Variants in THSD7A observed in about 807,000 individuals in gnomAD.
The protein encoded by THSD7A is thrombospondin type-1 domain-containing protein 7A.
A neutral mutation model predicts 231.3 loss-of-function variants in THSD7A; 96 were observed. That is an observed-to-expected ratio of 0.41 (90% CI 0.35 to 0.49). THSD7A has a LOEUF of 0.49. Ranked by LOEUF, THSD7A falls within the 20% of genes least tolerant of loss-of-function variation. THSD7A has a pLI of 0.05. For synonymous variants in THSD7A, 940 were observed against 743.3 expected (o/e 1.26, Z -4.30); for missense variants, 2,290 against 2,070.2 (o/e 1.11, Z -2.06).
At chr7:11,714,040 T>A (rs896024029) in intron 1 of THSD7A, among the ~76,000 whole-genome samples, 1 of 151,254 alleles carries the variant, frequency 6.6e-6, no homozygotes, top group African/African-American at 2.4e-5. Context: ...AAGTTAAATA[T>A]GTGTCTGTAC....
intron 6 of THSD7A, among the ~76,000 whole-genome samples, chr7:11,504,565 G>A (rs1274607032): frequency 6.6e-6 from 1 of 152,088 alleles, no homozygotes; most frequent in Non-Finnish European, 1.5e-5. Flanking sequence ...ATATAATCTG[G>A]CCTACAAAGT....
At chr7:11,508,928 CA>C (rs891226656) in intron 6 of THSD7A, among the ~76,000 whole-genome samples, 1 of 152,024 alleles carries the variant, frequency 6.6e-6, no homozygotes, top group African/African-American at 2.4e-5. Flanking sequence ...TGGTAGTTGC[CA>C]GGGGCTGTAG....
In THSD7A at chr7:11,514,338, C is replaced by G. The variant is rs144577728; in HGVS notation, c.1822+27081G>C. ...TTAAATCCTGTTATACCCTCTACAT[C>G]TAAAACAGTGCCTGGCACAGAGTAG... On this transcript the variant is annotated intron_variant, in intron 6 of 27. Transcript: ENST00000423059. Among the ~76,000 whole-genome samples the G allele has an allele frequency of 1.0e-3, 153 of 152,312 alleles. 1 individual carries two copies. Among genetic ancestry groups the G allele is most frequent in the African/African-American group, 3.5e-3 (147 of 41,572 alleles).
intron 1 of THSD7A, among the ~76,000 whole-genome samples, chr7:11,675,556 T>C (rs1321666309): frequency 6.6e-6 from 1 of 152,132 alleles, no homozygotes; most frequent in Non-Finnish European, 1.5e-5. Flanking sequence ...GAAGCTGACC[T>C]GGGATGCTCC....
intron 2 of THSD7A, among the ~76,000 whole-genome samples, chr7:11,612,754 T>C (rs1000950158): frequency 6.6e-6 from 1 of 152,200 alleles, no homozygotes; most frequent in Non-Finnish European, 1.5e-5. Context: ...AACCAAAACC[T>C]AATGCTATCA....
intron 13 of THSD7A, among the ~76,000 whole-genome samples, chr7:11,433,920 G>A (rs1784554059): frequency 6.6e-6 from 1 of 151,974 alleles, no homozygotes; most frequent in Non-Finnish European, 1.5e-5. Flanking sequence ...CTATTAAACT[G>A]TTAAAAGATA....
In THSD7A at chr7:11,396,715, G is replaced by T. The variant is rs558301562; in HGVS notation, c.4411+5080C>A. Among the ~76,000 whole-genome samples, 4 of 152,234 alleles carry T rather than the reference G, an allele frequency of 2.6e-5. No individual in the cohort carries two copies. In the East Asian group the frequency reaches 5.8e-4, roughly 22 times the overall value. On this transcript the variant is annotated intron_variant, in intron 23 of 27. Coordinates refer to ENST00000423059, the MANE Select transcript of THSD7A (RefSeq NM_015204.3). ...CTACCAGAGGTACAAAGAGGAGCTG[G>T]TACCATTCTTTCTGAAACTACTCCA...
At chr7:11,588,169 T>C (rs370336870) in intron 4 of THSD7A, among the ~76,000 whole-genome samples, 4 of 152,132 alleles carry the variant, frequency 2.6e-5, no homozygotes, top group African/African-American at 9.6e-5. Context: ...GAACATCGAG[T>C]GTGAATAATC....
At chr7:11,648,020 T>C (rs940897026) in intron 1 of THSD7A, among the ~76,000 whole-genome samples, 1 of 152,106 alleles carries the variant, frequency 6.6e-6, no homozygotes, top group East Asian at 1.9e-4. Flanking sequence ...TCCACAAAGA[T>C]CTGCCCTTTG....
intron 11 of THSD7A, among the ~76,000 whole-genome samples, chr7:11,453,691 T>A (rs1409340484): frequency 1.3e-5 from 2 of 152,014 alleles, no homozygotes; most frequent in East Asian, 1.9e-4. Flanking sequence ...AAGAGAAAAT[T>A]TACCATCATT....
chr7:11,694,756 C>T (rs150741183), intron 1 of THSD7A, among the ~76,000 whole-genome samples: 1 of 151,632 alleles, frequency 6.6e-6, no homozygotes, highest in African/African-American at 2.4e-5. Context: ...CAATATGCTT[C>T]CTATTCCAAC....
chr7:11,564,956 T>C (rs1234926508), intron 4 of THSD7A, among the ~76,000 whole-genome samples: 1 of 152,190 alleles, frequency 6.6e-6, no homozygotes, highest in African/African-American at 2.4e-5. Context: ...ATTTCACAAA[T>C]TGTATCAACA....
At chr7:11,617,193 G>A (rs1026788354) in intron 2 of THSD7A, among the ~76,000 whole-genome samples, 6 of 152,084 alleles carry the variant, frequency 3.9e-5, no homozygotes, top group African/African-American at 1.4e-4. Context: ...TATTATATAA[G>A]CTTATGTTCT....
At chr7:11,395,825 C>T (rs1264577650) in intron 23 of THSD7A, among the ~76,000 whole-genome samples, 2 of 151,956 alleles carry the variant, frequency 1.3e-5, no homozygotes, top group Non-Finnish European at 2.9e-5. Flanking sequence ...CGTGCCCGGC[C>T]CAGAATATAC....
chr7:11,831,687 A>T lies in THSD7A; in HGVS notation c.190+70T>A. 1 of 1,205,098 alleles carries T rather than the reference A, an allele frequency of 8.3e-7. No individual in the cohort carries two copies. 74.7% of individuals were successfully genotyped at this position (1,205,098 alleles called of 1,614,324 possible). A position where few individuals can be genotyped will look rare whatever the true frequency, so the allele number is the denominator to read the frequency against. On this transcript the variant is annotated intron_variant, in intron 1 of 27. Coordinates refer to ENST00000423059, the MANE Select transcript of THSD7A (RefSeq NM_015204.3). The surrounding 1 kb of genome is among the most constrained non-coding windows in gnomAD (Gnocchi z 5.0). The stretch of plus-strand genomic sequence containing the variant: ...CATCCAAAAGCACCGGGGTCCCTAC[A>T]GAAGCCCACCAGCTCCTTAATGTGG...
intron 7 of THSD7A, among the ~76,000 whole-genome samples, chr7:11,480,381 G>T (rs912784885): frequency 1.3e-5 from 2 of 152,140 alleles, no homozygotes; most frequent in Admixed American, 1.3e-4. Flanking sequence ...CACAGCAAGT[G>T]TCTGCAGAGT....
chr7:11,560,997 A>G (rs890912277), intron 4 of THSD7A, among the ~76,000 whole-genome samples: 4 of 152,166 alleles, frequency 2.6e-5, no homozygotes, highest in South Asian at 4.1e-4. Context: ...AATTCTTATA[A>G]AACCCATGAG....
chr7:11,430,027 C>T (rs375388767), intron 13 of THSD7A, among the ~76,000 whole-genome samples: 4 of 152,302 alleles, frequency 2.6e-5, no homozygotes, highest in East Asian at 3.9e-4. Flanking sequence ...CAAAATTCCT[C>T]TAGTCAAGAA....
intron 1 of THSD7A, among the ~76,000 whole-genome samples, chr7:11,665,698 G>T (rs1783103020): frequency 6.6e-6 from 1 of 152,108 alleles, no homozygotes; most frequent in Non-Finnish European, 1.5e-5. Flanking sequence ...CTTGGACAAA[G>T]ATTGGAGTCT....
Sources: gnomAD v4.1 joint callset for allele counts (sites outside exome capture counted in the v4.1 genomes callset) on GRCh38, gnomAD v4.1.1 for gene constraint, Gnocchi (gnomAD v3.1) non-coding constraint, MANE v1.5 for transcripts, NCBI Gene and HGNC (gene_info 2026-07-23, HGNC 2026-07-21) for gene names.